Variants in GRM7 observed in about 807,000 individuals in gnomAD.
GRM7 encodes metabotropic glutamate receptor 7.
GRM7 carries 35 observed loss-of-function variants against 84.5 expected under a neutral mutation model. That is an observed-to-expected ratio of 0.41 (90% CI 0.32 to 0.55). GRM7 has a LOEUF of 0.55. Ranked by LOEUF, GRM7 falls within the 20% of genes least tolerant of loss-of-function variation. GRM7 has a pLI of 0.19. For missense variants in GRM7, 1,003 were observed against 1,194.6 expected (o/e 0.84, Z 2.36); for synonymous variants, 487 against 455.1 (o/e 1.07, Z -0.89).
rs866123978 is a variant in GRM7 at position 7,003,249 on chromosome 3, A to G, written c.519+141342A>G. 3.9e-5 allele frequency among the ~76,000 whole-genome samples: 6 copies of G among 152,306 alleles called. No individual in the cohort carries two copies. In the Middle Eastern group the frequency reaches 0.01, roughly 261 times the overall value. On this transcript the variant is annotated intron_variant, in intron 1 of 9. Coordinates refer to ENST00000357716, the MANE Select transcript of GRM7 (RefSeq NM_000844.4). ...TAAAGAATTGATTTCTAATGTTCTC[A>G]CCACAAAAAATAAAGGATAAGTCAG... is the stretch of plus-strand genomic sequence containing the variant.
At chr3:7,013,380 C>G (rs1275079395) in intron 1 of GRM7, among the ~76,000 whole-genome samples, 1 of 152,094 alleles carries the variant, frequency 6.6e-6, no homozygotes, top group Non-Finnish European at 1.5e-5. Flanking sequence ...CTCACTCCTC[C>G]CCTCTGCCTT....
intron 8 of GRM7, among the ~76,000 whole-genome samples, chr3:7,647,830 G>C (rs974156123): frequency 1.6e-4 from 25 of 151,564 alleles, no homozygotes; most frequent in African/African-American, 6.1e-4. Context: ...TTTTAAAGGA[G>C]GGGGTAGACC....
intron 2 of GRM7, among the ~76,000 whole-genome samples, chr3:7,161,944 C>A (rs1694638059): frequency 6.6e-6 from 1 of 152,154 alleles, no homozygotes; most frequent in Non-Finnish European, 1.5e-5. Context: ...GCTGAGATGG[C>A]AACAAGCATT....
chr3:7,388,019 A>G (rs1694851859), intron 4 of GRM7, among the ~76,000 whole-genome samples: 2 of 152,040 alleles, frequency 1.3e-5, no homozygotes, highest in African/African-American at 4.8e-5. Flanking sequence ...TTTCTTAGAT[A>G]TATTCCTAGG....
chr3:7,010,828 C>T (rs1695344497), intron 1 of GRM7, among the ~76,000 whole-genome samples: 1 of 152,078 alleles, frequency 6.6e-6, no homozygotes, highest in South Asian at 2.1e-4. Flanking sequence ...TGGGCAAGAT[C>T]ATGGAGAGCT....
At chr3:7,540,621 G>C (rs1692820895) in intron 7 of GRM7, among the ~76,000 whole-genome samples, 1 of 152,188 alleles carries the variant, frequency 6.6e-6, no homozygotes, top group Non-Finnish European at 1.5e-5. Context: ...TTGCAGTGAT[G>C]AAATGTTCTA....
intron 8 of GRM7, among the ~76,000 whole-genome samples, chr3:7,663,699 C>T: frequency 6.6e-6 from 1 of 152,122 alleles, no homozygotes; most frequent in South Asian, 2.1e-4. Flanking sequence ...CAATTCATGG[C>T]ATGTTATGGA....
chr3:6,937,851 A>G (rs1559339278), intron 1 of GRM7, among the ~76,000 whole-genome samples: 1 of 152,238 alleles, frequency 6.6e-6, no homozygotes, highest in Non-Finnish European at 1.5e-5. Context: ...GATCATTATC[A>G]TCAATAACAC....
chr3:7,555,133 A>G lies in GRM7; in HGVS notation c.1516-23289A>G, dbSNP rs569490996. Among the ~76,000 whole-genome samples the G allele has an allele frequency of 6.6e-5, 10 of 152,332 alleles. No homozygotes were observed. The South Asian group carries it at 2.1e-3, about 32-fold the overall frequency. On this transcript the variant is annotated intron_variant, in intron 7 of 9. Transcript: ENST00000357716. Reference sequence around the variant, plus strand: ...TCTTCTCAGTTGTAAAATGTGGATGACACTTGTGAGAAATCAAATGAAATA... The same window carrying G: ...TCTTCTCAGTTGTAAAATGTGGATGGCACTTGTGAGAAATCAAATGAAATA...
At chr3:7,351,855 C>G (rs1286591897) in intron 4 of GRM7, among the ~76,000 whole-genome samples, 2 of 151,874 alleles carry the variant, frequency 1.3e-5, no homozygotes, top group Non-Finnish European at 2.9e-5. Flanking sequence ...GGGCTGAGTT[C>G]CTTGGTTTTG....
intron 7 of GRM7, among the ~76,000 whole-genome samples, chr3:7,476,044 A>G (rs1698908762): frequency 6.6e-6 from 1 of 152,182 alleles, no homozygotes; most frequent in Non-Finnish European, 1.5e-5. Flanking sequence ...ACACGTGTAG[A>G]CTGACACTTA....
intron 4 of GRM7, among the ~76,000 whole-genome samples, chr3:7,372,534 TG>T (rs1559275092): frequency 6.6e-6 from 1 of 152,132 alleles, no homozygotes; most frequent in African/African-American, 2.4e-5. Context: ...AGGCCTTAAT[TG>T]TACGCCATTC....
chr3:7,301,398 A>G (rs1272407105), intron 3 of GRM7, among the ~76,000 whole-genome samples: 2 of 152,194 alleles, frequency 1.3e-5, no homozygotes, highest in African/African-American at 2.4e-5. Context: ...TTTAAAAAAT[A>G]TCTGCTAATA....
chr3:7,085,975 T>C (rs1698444179), intron 1 of GRM7, among the ~76,000 whole-genome samples: 1 of 152,178 alleles, frequency 6.6e-6, no homozygotes, highest in Non-Finnish European at 1.5e-5. Flanking sequence ...ATGGCAAATT[T>C]TGAGTACTAA....
At chr3:7,010,909 T>A (rs531672762) in intron 1 of GRM7, among the ~76,000 whole-genome samples, 11 of 152,204 alleles carry the variant, frequency 7.2e-5, no homozygotes, top group Non-Finnish European at 1.3e-4. Flanking sequence ...CATTGACCAG[T>A]CAGGAAAAGA....
chr3:7,291,420 G>T (rs573244195), intron 2 of GRM7, among the ~76,000 whole-genome samples: 7 of 151,824 alleles, frequency 4.6e-5, no homozygotes, highest in Non-Finnish European at 8.8e-5. Context: ...CTGTGGCCTA[G>T]TGGTGCCAAG....
At chr3:7,402,100 T>G (rs574339125) in intron 4 of GRM7, among the ~76,000 whole-genome samples, 1 of 152,156 alleles carries the variant, frequency 6.6e-6, no homozygotes, top group African/African-American at 2.4e-5. Context: ...GCAAACTGAA[T>G]TTTTCTACTT....
intron 1 of GRM7, among the ~76,000 whole-genome samples, chr3:6,984,121 T>C (rs1377484071): frequency 6.6e-6 from 1 of 152,230 alleles, no homozygotes; most frequent in Admixed American, 6.5e-5. Flanking sequence ...TGAGGACTTT[T>C]AGGTATTCCC....
At chr3:7,475,800 A>G (rs1431540535) in intron 7 of GRM7, among the ~76,000 whole-genome samples, 1 of 152,314 alleles carries the variant, frequency 6.6e-6, no homozygotes, top group East Asian at 1.9e-4. Context: ...GGGCATTTCT[A>G]TCATGGAGTA....
Sources: gnomAD v4.1 joint callset for allele counts (sites outside exome capture counted in the v4.1 genomes callset) on GRCh38, gnomAD v4.1.1 for gene constraint, MANE v1.5 for transcripts, NCBI Gene and HGNC (gene_info 2026-07-23, HGNC 2026-07-21) for gene names.